Variants in CLNK observed in about 807,000 individuals in gnomAD.
CLNK encodes cytokine-dependent hematopoietic cell linker.
Under a neutral mutation model 68.6 loss-of-function variants are expected in CLNK, and 74 were observed. The ratio of observed to expected loss-of-function variants is 1.08; its 90% confidence interval spans 0.89 to 1.31. The LOEUF (loss-of-function observed/expected upper bound fraction) is 1.31, where lower values mean the gene tolerates loss of function less well. Ranked by LOEUF, CLNK falls within the 50% of genes most tolerant of loss-of-function variation. The probability of loss-of-function intolerance (pLI) is 0.00; values close to 1 mark genes in which losing one functional copy is unlikely to be tolerated. For synonymous variants in CLNK, 198 were observed against 172.2 expected, an observed-to-expected ratio of 1.15 and a Z score of -1.17; for missense variants, 553 against 515.3, an observed-to-expected ratio of 1.07 and a Z score of -0.71.
At chr4:10,636,630 G>A (rs34013410) in intron 2 of CLNK, among the ~76,000 whole-genome samples, 28,394 of 152,094 alleles carry the variant, frequency 0.19, 2,669 homozygotes, top group South Asian at 0.23. Context: ...GAAGGAGGGT[G>A]TAGCAGAAGG....
chr4:10,711,708 G>A, the CLNK span, among the ~76,000 whole-genome samples: 4 of 152,244 alleles, frequency 2.6e-5, no homozygotes, highest in Non-Finnish European at 5.9e-5. Flanking sequence ...GAGAACCTGG[G>A]TGACTTGACT....
intron 3 of CLNK, among the ~76,000 whole-genome samples, chr4:10,588,524 C>T (rs1360183262): frequency 1.3e-5 from 2 of 152,112 alleles, no homozygotes; most frequent in African/African-American, 4.8e-5. Flanking sequence ...TAAAATAACT[C>T]GTATTCGTGA....
intron 2 of CLNK, among the ~76,000 whole-genome samples, chr4:10,650,065 T>C (rs980365619): frequency 2.6e-5 from 4 of 152,048 alleles, no homozygotes; most frequent in Non-Finnish European, 4.4e-5. Context: ...AACTTTCATA[T>C]AAAAAATAAA....
intron 2 of CLNK, among the ~76,000 whole-genome samples, chr4:10,606,867 G>C (rs1012197739): frequency 6.6e-6 from 1 of 152,138 alleles, no homozygotes; most frequent in Non-Finnish European, 1.5e-5. Flanking sequence ...TGTAGTCATT[G>C]GGAACAGCTT....
intron 2 of CLNK, among the ~76,000 whole-genome samples, chr4:10,647,801 A>T (rs1723568262): frequency 6.6e-6 from 1 of 152,190 alleles, no homozygotes; most frequent in Non-Finnish European, 1.5e-5. Context: ...CCCATGAAAG[A>T]CACTATTGTA....
intron 2 of CLNK, among the ~76,000 whole-genome samples, chr4:10,609,545 AC>A (rs1721930053): frequency 1.3e-5 from 2 of 152,196 alleles, no homozygotes; most frequent in Admixed American, 1.3e-4. Context: ...GACATTAGGG[AC>A]CACCTGTCAA....
chr4:10,651,748 A>G (rs776964581), intron 2 of CLNK, among the ~76,000 whole-genome samples: 5 of 152,214 alleles, frequency 3.3e-5, no homozygotes, highest in East Asian at 1.9e-4. Flanking sequence ...TGACAGCAGT[A>G]GCATATAAAT....
At chr4:10,638,993 T>C (rs974738673) in intron 2 of CLNK, among the ~76,000 whole-genome samples, 2 of 152,232 alleles carry the variant, frequency 1.3e-5, no homozygotes, top group Admixed American at 6.5e-5. Context: ...TGCAGTCACA[T>C]TCTGCGATGC....
At chr4:10,686,522 T>C (rs556784781), upstream of CLNK, among the ~76,000 whole-genome samples, 1 of 151,434 alleles carries the variant, frequency 6.6e-6, no homozygotes, top group Non-Finnish European at 1.5e-5. Context: ...AGCTTCCTGT[T>C]ATCTAGTGGC....
At position 10,594,228 on chromosome 4, in the gene CLNK, A is replaced by G. The variant is rs578025008; in HGVS notation, c.83+3750T>C. On this transcript the variant is annotated intron_variant, in intron 3 of 18. Transcript: ENST00000226951. ...AGGAGGTTAATGTAAGAGGTCAGAC[A>G]TTTCCCCAGTGGGGAAACAGCTCCT... Among the ~76,000 whole-genome samples, 36 of 152,270 alleles carry G rather than the reference A, an allele frequency of 2.4e-4. No homozygotes were observed. The Middle Eastern group carries it at 0.01, about 43-fold the overall frequency.
chr4:10,663,396 G>A lies in CLNK; in HGVS notation c.11+4463C>T, dbSNP rs188466682. 7.3e-4 allele frequency among the ~76,000 whole-genome samples: 111 copies of A among 152,186 alleles called. 2 individuals are homozygous for A. The East Asian group carries it at 0.017, about 23-fold the overall frequency. The stretch of plus-strand genomic sequence containing the variant: ...TTTCTCATCACTCTCTATGTAATAC[G>A]GAAATAATTCTCTTTACATATGGCT... On this transcript the variant is annotated intron_variant, in intron 2 of 18. Coordinates refer to ENST00000226951, the MANE Select transcript of CLNK (RefSeq NM_052964.4).
intron 2 of CLNK, among the ~76,000 whole-genome samples, chr4:10,637,296 C>A (rs1723127916): frequency 6.6e-6 from 1 of 152,136 alleles, no homozygotes; most frequent in African/African-American, 2.4e-5. Context: ...GCCTCAGATG[C>A]CTGTTCCAGA....
the CLNK span, among the ~76,000 whole-genome samples, chr4:10,700,944 C>T: frequency 0.34 from 51,119 of 151,970 alleles, 8,921 homozygotes; most frequent in African/African-American, 0.4. Flanking sequence ...TCAACTGTTT[C>T]ACTGCTTGAA....
At chr4:10,582,037 C>T (rs1416374589) in intron 4 of CLNK, among the ~76,000 whole-genome samples, 1 of 152,178 alleles carries the variant, frequency 6.6e-6, no homozygotes, top group Non-Finnish European at 1.5e-5. Context: ...TCATTTTCAA[C>T]TGTTGTGATT....
intron 17 of CLNK, among the ~76,000 whole-genome samples, chr4:10,506,925 G>C (rs957945457): frequency 6.6e-6 from 1 of 151,414 alleles, no homozygotes; most frequent in Non-Finnish European, 1.5e-5. Context: ...TCAGCCTCCC[G>C]AGTAGCTGGG....
upstream of CLNK, among the ~76,000 whole-genome samples, chr4:10,686,146 G>A (rs144971048): frequency 6.4e-4 from 97 of 152,206 alleles, no homozygotes; most frequent in African/African-American, 1.9e-3. Context: ...CTTTATCCCC[G>A]GCTTGTGGGT....
chr4:10,652,437 A>G (rs1194402166), intron 2 of CLNK, among the ~76,000 whole-genome samples: 1 of 151,604 alleles, frequency 6.6e-6, no homozygotes, highest in African/African-American at 2.4e-5. Flanking sequence ...CTAGATTAAA[A>G]ATTCTGTATG....
chr4:10,678,201 T>C (rs1423420260), intron 1 of CLNK, among the ~76,000 whole-genome samples: 2 of 152,352 alleles, frequency 1.3e-5, no homozygotes, highest in East Asian at 1.9e-4. Flanking sequence ...TGCTGAATTA[T>C]ACAGTGAATT....
rs1280318141 is a variant in CLNK at position 10,513,559 on chromosome 4, A to T, written c.811T>A (p.Cys271Ser). ...GGGCTGCAGCTGGCTGGAGGCTGGC[A>T]TCTCTGAGGAGAACAGGGCTGCATG... ...GGMQPCSPQR[C>S]QPPASCSPHE... is the part of the protein sequence containing the mutation. Residue 271 changes from cysteine (C) to serine (S), a missense_variant, in exon 16 of 19, where the codon TGC (cysteine) becomes AGC (serine). Coordinates refer to ENST00000226951, the MANE Select transcript of CLNK (RefSeq NM_052964.4). The T allele has an allele frequency of 6.2e-7, 1 of 1,607,854 alleles. No homozygotes were observed. Among genetic ancestry groups the T allele is most frequent in the South Asian group, 1.1e-5 (1 of 89,592 alleles).
Sources: allele counts gnomAD v4.1 joint callset (sites outside exome capture counted in the v4.1 genomes callset), GRCh38; gene constraint gnomAD v4.1.1; transcripts MANE v1.5; gene names NCBI Gene and HGNC (gene_info 2026-07-23, HGNC 2026-07-21).